Variants in ARSG observed in about 807,000 individuals in gnomAD.
ARSG encodes the protein arylsulfatase G.
ARSG carries 37 observed loss-of-function variants against 50.5 expected under a neutral mutation model. The ratio of observed to expected loss-of-function variants is 0.73; its 90% CI spans 0.56 to 0.96. ARSG has a LOEUF of 0.96. ARSG is among the 50% of genes least tolerant of loss of function. The probability of loss-of-function intolerance (pLI) is 0.00; values close to 1 mark genes in which losing one functional copy is unlikely to be tolerated. For synonymous variants in ARSG, 225 were observed against 254.6 expected (o/e 0.88, Z 1.11); for missense variants, 629 against 675.3 (o/e 0.93, Z 0.76).
chr17:68,403,631 G>C (rs188952220), intron 11 of ARSG, among the ~76,000 whole-genome samples: 1 of 152,186 alleles, frequency 6.6e-6, no homozygotes, highest in Non-Finnish European at 1.5e-5. Context: ...TTATGGTCAC[G>C]CACTGGGAGT....
chr17:68,411,573 T>A (rs980900549), intron 11 of ARSG, among the ~76,000 whole-genome samples: 1 of 151,128 alleles, frequency 6.6e-6, no homozygotes, highest in Non-Finnish European at 1.5e-5. Context: ...ATAGGTGTGG[T>A]GTGGTGCTGA....
intron 2 of ARSG, among the ~76,000 whole-genome samples, chr17:68,324,720 G>A (rs9900642): frequency 0.39 from 59,565 of 152,066 alleles, 12,223 homozygotes; most frequent in Non-Finnish European, 0.43. Context: ...TTGGATGCCT[G>A]TTTTACAGAG....
At chr17:68,404,623 A>G (rs1037081876) in intron 11 of ARSG, among the ~76,000 whole-genome samples, 1 of 152,028 alleles carries the variant, frequency 6.6e-6, no homozygotes, top group Non-Finnish European at 1.5e-5. Flanking sequence ...TGTCTATGTC[A>G]AGGTTTGGTA....
downstream of ARSG, among the ~76,000 whole-genome samples, chr17:68,424,758 T>C (rs1600244000): frequency 6.6e-6 from 1 of 152,094 alleles, no homozygotes; most frequent in South Asian, 2.1e-4. Context: ...ACATCTGTAA[T>C]TGCAGCTACT....
Position 68,370,538 on chromosome 17 carries a change from C to T in ARSG, c.982+14C>T. 8 of 1,612,768 alleles carry T rather than the reference C, an allele frequency of 5.0e-6. No homozygotes were observed. Among genetic ancestry groups the T allele is most frequent in the South Asian group, 2.2e-5 (2 of 90,956 alleles). On this transcript the variant is annotated intron_variant, in intron 8 of 11. Transcript: ENST00000621439. The stretch of plus-strand genomic sequence containing the variant: ...AAACTCGTCAAGGTAAGGGGCTCAG[C>T]TGGGGTTGGTGGATCCCATTGCAAT...
upstream of ARSG, among the ~76,000 whole-genome samples, chr17:68,287,542 T>C (rs1906126253): frequency 6.6e-6 from 1 of 152,154 alleles, no homozygotes. Context: ...AAACTCTGCT[T>C]TATGTCTGAG....
chr17:68,315,491 C>T (rs1408348557), intron 2 of ARSG, among the ~76,000 whole-genome samples: 4 of 151,862 alleles, frequency 2.6e-5, no homozygotes, highest in African/African-American at 9.7e-5. Flanking sequence ...CGTGTCACTG[C>T]ACTCCAGCCT....
At chr17:68,426,254 G>GGCCCCCCCCCCCCCCCCC, downstream of ARSG, 6 of 816,916 alleles carry the variant, frequency 7.3e-6, no homozygotes, top group East Asian at 7.0e-5. Flanking sequence ...GGGAGCGGGG[G>GGCCCCCCCCCCCCCCCCC]CTCAAATAAA....
At chr17:68,341,099 C>CT (rs1263357186) in intron 2 of ARSG, among the ~76,000 whole-genome samples, 2 of 152,008 alleles carry the variant, frequency 1.3e-5, no homozygotes, top group Non-Finnish European at 2.9e-5. Flanking sequence ...GAAGTTTAAG[C>CT]TTTTTTTGTG....
At chr17:68,279,515 G>A (rs1029171132) in intron 1 of ARSG, among the ~76,000 whole-genome samples, 1 of 152,082 alleles carries the variant, frequency 6.6e-6, no homozygotes, top group African/African-American at 2.4e-5. Flanking sequence ...GAATTTCCAA[G>A]TACATGATGA....
At chr17:68,418,410 G>T (rs1248757552) in intron 11 of ARSG, among the ~76,000 whole-genome samples, 1 of 152,034 alleles carries the variant, frequency 6.6e-6, no homozygotes, top group Non-Finnish European at 1.5e-5. Flanking sequence ...TGGCAATGAA[G>T]AATAATCAAA....
chr17:68,426,363 G>C (rs147033555), downstream of ARSG, among the ~76,000 whole-genome samples: 1 of 152,142 alleles, frequency 6.6e-6, no homozygotes, highest in East Asian at 1.9e-4. Flanking sequence ...AGCCTGACCT[G>C]CCTTTCCACT....
the ARSG span, among the ~76,000 whole-genome samples, chr17:68,434,817 T>C: frequency 6.6e-6 from 1 of 152,234 alleles, no homozygotes; most frequent in Non-Finnish European, 1.5e-5. Context: ...AAACACCCTC[T>C]GTCTACCTTT....
chr17:68,343,838 C>T lies in ARSG; in HGVS notation c.406+47C>T, dbSNP rs191545588. ...CTGTTGCATTTACTGCAGTGGCAGC[C>T]GCCTTGTGTTTGCAAATTCCCAACA... On this transcript the variant is annotated intron_variant, in intron 3 of 11. Coordinates refer to ENST00000621439, the MANE Select transcript of ARSG (RefSeq NM_001267727.2). 2.8e-4 allele frequency: 438 copies of T among 1,548,920 alleles called. 1 individual carries two copies. Among genetic ancestry groups the T allele is most frequent in the South Asian group, 7.8e-4 (65 of 83,294 alleles).
chr17:68,375,231 T>C (rs945864219), intron 8 of ARSG, among the ~76,000 whole-genome samples: 15 of 152,190 alleles, frequency 9.9e-5, no homozygotes, highest in African/African-American at 3.4e-4. Flanking sequence ...GGACCAAACT[T>C]TGAGAACCAC....
In ARSG at chr17:68,395,207, G is replaced by T. The variant is rs1436910167; in HGVS notation, c.1212+14G>T. The T allele has an allele frequency of 6.2e-7, 1 of 1,613,450 alleles. No homozygotes were observed. The highest frequency in any genetic ancestry group is 8.5e-7 in the Non-Finnish European group (1 of 1,179,716). On this transcript the variant is annotated intron_variant, in intron 10 of 11. Transcript: ENST00000621439. ...CCTGGGCACAGGGTAAGTGGAGGAG[G>T]TACTTGCCCACATGTAGGCTCTTTA...
intron 11 of ARSG, among the ~76,000 whole-genome samples, chr17:68,419,709 C>T (rs115308892): frequency 0.017 from 2,550 of 151,988 alleles, 81 homozygotes; most frequent in African/African-American, 0.059. Flanking sequence ...CTGATAATCC[C>T]AGCATTTTGG....
At chr17:68,335,486 G>A (rs1204785215) in intron 2 of ARSG, among the ~76,000 whole-genome samples, 3 of 151,284 alleles carry the variant, frequency 2.0e-5, no homozygotes, top group Admixed American at 1.3e-4. Context: ...CCCAGGAGGC[G>A]GAGCTTGCAG....
chr17:68,280,496 C>T (rs1412390673), intron 1 of ARSG, among the ~76,000 whole-genome samples: 1 of 152,276 alleles, frequency 6.6e-6, no homozygotes, highest in East Asian at 1.9e-4. Context: ...CATGTCTACA[C>T]CCAACTGATT....
Sources: gnomAD v4.1 joint callset for allele counts (sites outside exome capture counted in the v4.1 genomes callset) on GRCh38, gnomAD v4.1.1 for gene constraint, MANE v1.5 for transcripts, NCBI Gene and HGNC (gene_info 2026-07-23, HGNC 2026-07-21) for gene names.